The following SSX3 variants were observed in gnomAD, a reference collection of about 807,000 sequenced individuals.
The protein encoded by SSX3 is protein SSX3.
SSX3 carries 6 observed loss-of-function variants against 14.8 expected under a neutral mutation model. That is an observed-to-expected ratio of 0.41 (90% confidence interval 0.22 to 0.80). The LOEUF is 0.80. Among genes scored for constraint, SSX3 ranks in the 30% least tolerant of loss-of-function variants. The probability of loss-of-function intolerance (pLI) is 0.34; values close to 1 mark genes in which losing one functional copy is unlikely to be tolerated. For missense variants in SSX3, 163 were observed against 152.2 expected, an observed-to-expected ratio of 1.07 and a Z score of -0.37; for synonymous variants, 55 against 52.9, an observed-to-expected ratio of 1.04 and a Z score of -0.18.
Position 48,354,055 on chromosome X carries a change from C to T in SSX3, c.224G>A (p.Arg75Gln), listed in dbSNP as rs1556950445. Residue 75 changes from arginine to glutamine, a missense_variant, in exon 4 of 8, where the codon CGG becomes CAG. Arg to Gln is a conservative substitution (Grantham distance 43, BLOSUM62 1). Coordinates refer to ENST00000298396, the MANE Select transcript of SSX3 (RefSeq NM_021014.4). ...AILPSFMRNK[R>Q]VTDFQGNDFD... ...ATCATTCCCCTGGAAGTCTGTGACCCGTTTATTACGCATGAAAGATGGGAG... is the reference window on the plus strand; with the variant it reads ...ATCATTCCCCTGGAAGTCTGTGACCTGTTTATTACGCATGAAAGATGGGAG... 1 of 1,208,992 alleles carries T rather than the reference C, an allele frequency of 8.3e-7. No individual in the cohort carries two copies. The highest frequency in any genetic ancestry group is 1.1e-6 in the Non-Finnish European group (1 of 894,208).
intron 1 of SSX3, among the ~76,000 whole-genome samples, chrX:48,356,182 C>T (rs1473402057): frequency 2.8e-4 from 31 of 111,415 alleles, no homozygotes; most frequent in Admixed American, 1.7e-3. Flanking sequence ...TTAGCAGAAG[C>T]GGGGTGGTGC....
At chrX:48,354,117 T>C (rs377641304) in intron 3 of SSX3, 23 bp from the exon 4 acceptor site, 227 of 1,162,748 alleles carry the variant, frequency 2.0e-4, no homozygotes, top group Non-Finnish European at 2.5e-4. Flanking sequence ...AAAATGTTTA[T>C]TCCTTAAGAG....
At chrX:48,355,722 G>C (rs1239565672) in intron 1 of SSX3, among the ~76,000 whole-genome samples, 2 of 111,510 alleles carry the variant, frequency 1.8e-5, no homozygotes, top group African/African-American at 6.5e-5. Context: ...CAGGCAGAGG[G>C]ATGGGGGGTT....
chrX:48,355,378 T>C lies in SSX3; in HGVS notation c.-20-109A>G, dbSNP rs782335365. The C allele has an allele frequency of 1.2e-5, 9 of 741,791 alleles. No homozygotes were observed. In the African/African-American group the frequency reaches 1.7e-4, roughly 14 times the overall value. 61.1% of individuals were successfully genotyped at this position (741,791 alleles called of 1,213,427 possible). A position where few individuals can be genotyped will look rare whatever the true frequency, so the allele number is the denominator to read the frequency against. On this transcript the variant is annotated intron_variant, in intron 1 of 7. Transcript: ENST00000298396. ...GTCACCTGGAATCAGGTGCTGCATT[T>C]CTCCATCCGGGGCTTATCTGTCCCT...
rs2061241461 is a variant in SSX3 at position 48,346,861 on chromosome X, C to T, written c.*179G>A. On this transcript the variant is annotated 3_prime_UTR_variant, in exon 8 of 8. Coordinates refer to ENST00000298396, the MANE Select transcript of SSX3 (RefSeq NM_021014.4). ...ACACTTCAAGAAAATACAATGGAAA[C>T]GCTAATATCGTACTCTTGGCACACT... The T allele has an allele frequency of 7.6e-6, 6 of 790,248 alleles. No homozygotes were observed. The East Asian group carries it at 1.6e-4, about 22-fold the overall frequency. The allele number at this position is 790,248 out of a possible 1,213,427, so 65.1% of individuals were successfully genotyped here. A position where few individuals can be genotyped will look rare whatever the true frequency, so the allele number is the denominator to read the frequency against.
chrX:48,355,327 AG>A lies in SSX3; in HGVS notation c.-20-59del, dbSNP rs2061282185. 2.8e-6 allele frequency: 3 copies of A among 1,089,366 alleles called. No individual in the cohort carries two copies. The South Asian group carries it at 5.9e-5, about 22-fold the overall frequency. The allele number at this position is 1,089,366 out of a possible 1,213,427, so 89.8% of individuals were successfully genotyped here. On this transcript the variant is annotated intron_variant, in intron 1 of 7. Transcript: ENST00000298396. ...GCAGGACCTTTGGTCTTGTGGAGGG[AG>A]AAATCAGTGAAGGCCGGCCACTCAG...
chrX:48,350,621 A>G (rs1377414223), intron 5 of SSX3, among the ~76,000 whole-genome samples: 1 of 110,687 alleles, frequency 9.0e-6, no homozygotes, highest in Admixed American at 9.7e-5. Flanking sequence ...TGCTGAAATT[A>G]ATCTAGGCAG....
chrX:48,350,670 G>A (rs4824707), intron 5 of SSX3, among the ~76,000 whole-genome samples: 47,561 of 109,768 alleles, frequency 0.43, 7,411 homozygotes, highest in East Asian at 0.61. Context: ...CTACCCTACC[G>A]AGGCACCAAT....
chrX:48,352,190 G>A (rs369000745), intron 4 of SSX3, 41 bp from the exon 5 acceptor site: 33 of 1,179,413 alleles, frequency 2.8e-5, no homozygotes, highest in Middle Eastern at 3.0e-4. Flanking sequence ...GTTGGTAAAG[G>A]TTTCCAAACT....
chrX:48,347,672 A>G (rs2061244682), intron 6 of SSX3, 68 bp from the exon 7 acceptor site: 1 of 1,202,423 alleles, frequency 8.3e-7, no homozygotes, highest in African/African-American at 1.7e-5. Flanking sequence ...TGTTTACTCA[A>G]AAAAAGGAGA....
intron 6 of SSX3, 52 bp downstream of exon 6, chrX:48,349,935 T>C: frequency 2.1e-5 from 25 of 1,208,296 alleles, no homozygotes; most frequent in Non-Finnish European, 2.7e-5. Flanking sequence ...TCCACACACC[T>C]GAACGTCGCC....
chrX:48,355,450 T>G (rs782800803), intron 1 of SSX3, among the ~76,000 whole-genome samples, 181 bp from the exon 2 acceptor site: 1 of 110,142 alleles, frequency 9.1e-6, no homozygotes, highest in African/African-American at 3.3e-5. Flanking sequence ...GAACCAGGGG[T>G]CTCTGGGAGA....
rs191524661 is a variant in SSX3 at position 48,353,704 on chromosome X, T to G, written c.280+295A>C. Among the ~76,000 whole-genome samples the G allele has an allele frequency of 3.5e-3, 389 of 110,090 alleles. 5 individuals are homozygous for G. Among genetic ancestry groups the G allele is most frequent in the African/African-American group, 0.012 (361 of 30,512 alleles). On this transcript the variant is annotated intron_variant, in intron 4 of 7. Transcript: ENST00000298396. Reference sequence around the variant, plus strand: ...GTGCAGCACTCAGCAATCCCTGCCCTCCCTCCCTCCTCCACTTACAGCCAG... The same window carrying G: ...GTGCAGCACTCAGCAATCCCTGCCCGCCCTCCCTCCTCCACTTACAGCCAG...
In SSX3 at chrX:48,354,056, G is replaced by A. The variant is rs150016606; in HGVS notation, c.223C>T (p.Arg75Trp). ...TCATTCCCCTGGAAGTCTGTGACCCGTTTATTACGCATGAAAGATGGGAGG... is the reference window on the plus strand; with the variant it reads ...TCATTCCCCTGGAAGTCTGTGACCCATTTATTACGCATGAAAGATGGGAGG... ...AILPSFMRNK[R>W]VTDFQGNDFD... Residue 75 changes from arginine (R) to tryptophan (W), a missense_variant, in exon 4 of 8, where the codon CGG becomes TGG. By Grantham distance (101) the Arg-to-Trp change is moderately radical. Coordinates refer to ENST00000298396, the MANE Select transcript of SSX3 (RefSeq NM_021014.4). 9.9e-6 allele frequency: 12 copies of A among 1,206,571 alleles called. No individual in the cohort carries two copies. In the Admixed American group the frequency reaches 1.1e-4, roughly 11 times the overall value.
At position 48,347,583 on chromosome X, in the gene SSX3, G is replaced by T; in HGVS notation, c.488C>A (p.Ala163Asp). 2 of 1,209,964 alleles carry T rather than the reference G, an allele frequency of 1.7e-6. No individual in the cohort carries two copies. Among genetic ancestry groups the T allele is most frequent in the Non-Finnish European group, 2.2e-6 (2 of 895,237 alleles). ...TCTCTCACGCAGTCTGTGGGTCCAG[G>T]CATGTTCCCCCCTTTTGGGTCCTAT... ...MISGPKRGEH[A>D]WTHRLRERKQ... is the part of the protein sequence containing the mutation. Residue 163 changes from alanine to aspartate, a missense_variant, in exon 7 of 8, where the codon GCC becomes GAC. Coordinates refer to ENST00000298396, the MANE Select transcript of SSX3 (RefSeq NM_021014.4).
intron 5 of SSX3, among the ~76,000 whole-genome samples, chrX:48,351,834 A>G (rs2061264418): frequency 8.9e-6 from 1 of 112,545 alleles, no homozygotes; most frequent in South Asian, 3.7e-4. Flanking sequence ...TTCGGAGATA[A>G]TAGAAACAAT....
At position 48,350,914 on chromosome X, in the gene SSX3, G is replaced by A. The variant is rs141645796; in HGVS notation, c.331-792C>T. On this transcript the variant is annotated intron_variant, in intron 5 of 7. Transcript: ENST00000298396. ...GCCTCCAGAGTATCTGGGACTACAG[G>A]CAGGCACTACCACGCCCCACTAAGT... Among the ~76,000 whole-genome samples, 881 of 109,298 alleles carry A rather than the reference G, an allele frequency of 8.1e-3. 7 individuals carry two copies. The highest frequency in any genetic ancestry group is 0.013 in the Non-Finnish European group (671 of 52,565). The allele number at this position is 109,298 out of a possible 115,157, so 94.9% of individuals were successfully genotyped here.
At position 48,353,007 on chromosome X, in the gene SSX3, C is replaced by T. The variant is rs782203341; in HGVS notation, c.281-858G>A. 8.1e-5 allele frequency among the ~76,000 whole-genome samples: 9 copies of T among 111,484 alleles called. No individual in the cohort carries two copies. The East Asian group carries it at 2.0e-3, about 24-fold the overall frequency. On this transcript the variant is annotated intron_variant, in intron 4 of 7. Coordinates refer to ENST00000298396, the MANE Select transcript of SSX3 (RefSeq NM_021014.4). ...GTTTTGATAAAATACAGAGAAACAG[C>T]GATCTTTATTACATAATGTGTTCAT...
rs782170697 is a variant in SSX3, at chrX:48,355,187, T to G, written c.63A>C (p.Ile21=). The G allele has an allele frequency of 5.8e-6, 7 of 1,209,452 alleles. No homozygotes were observed. In the Admixed American group the frequency reaches 1.1e-4, roughly 19 times the overall value. Residue 21 remains isoleucine, a synonymous_variant, in exon 2 of 8, where the codon ATA becomes ATC. Coordinates refer to ENST00000298396, the MANE Select transcript of SSX3 (RefSeq NM_021014.4). ...PTVGAQIPEK[I]QKAFDDIAKY... is the part of the protein sequence containing the mutation. The stretch of plus-strand genomic sequence containing the variant: ...TCCCTCTAGGTCACCTCACCTTTTG[T>G]ATCTTCTCTGGTATTTGAGCACCAA...
Sources: gnomAD v4.1 joint callset for allele counts (sites outside exome capture counted in the v4.1 genomes callset) on GRCh38, gnomAD v4.1.1 for gene constraint, MANE v1.5 for transcripts, NCBI Gene and HGNC (gene_info 2026-07-23, HGNC 2026-07-21) for gene names.